The following IGDCC3 variants were observed in gnomAD, a reference collection of about 807,000 sequenced individuals.
IGDCC3 encodes immunoglobulin superfamily DCC subclass member 3.
Under a neutral mutation model 72.0 loss-of-function variants are expected in IGDCC3, and 47 were observed. That is an observed-to-expected ratio of 0.65 (90% CI 0.52 to 0.83). IGDCC3 has a LOEUF of 0.83. IGDCC3 is among the 40% of genes least tolerant of loss of function. IGDCC3 has a pLI of 0.00. For synonymous variants in IGDCC3, 477 were observed against 472.8 expected, an observed-to-expected ratio of 1.01 and a Z score of -0.11; for missense variants, 1,038 against 1,091.3, an observed-to-expected ratio of 0.95 and a Z score of 0.69.
At chr15:65,355,186 G>A (rs2091206469) in intron 2 of IGDCC3, among the ~76,000 whole-genome samples, 1 of 152,156 alleles carries the variant, frequency 6.6e-6, no homozygotes, top group Non-Finnish European at 1.5e-5. Flanking sequence ...GGCCCCCGCG[G>A]GGCCCCACTG....
chr15:65,360,779 CTTTT>C (rs1420324598), intron 2 of IGDCC3, among the ~76,000 whole-genome samples: 1 of 152,094 alleles, frequency 6.6e-6, no homozygotes, highest in East Asian at 1.9e-4. Context: ...CCCTTTCTTT[CTTTT>C]CTTTTTTTCT....
In IGDCC3 at chr15:65,334,864, G is replaced by A; in HGVS notation, c.687C>T (p.Gly229=). Reference sequence around the variant, plus strand: ...GCTCCTTGTAGGCCCCAGAGCCCGAGCCTGGGAGGAAGACGCCACATATCC... The same window carrying A: ...GCTCCTTGTAGGCCCCAGAGCCCGAACCTGGGAGGAAGACGCCACATATCC... ...ISHGARLTVS[G]SGSGAYKEPA... is the part of the protein sequence containing the mutation. Residue 229 remains glycine (G), a splice_region_variant and synonymous_variant, in exon 5 of 14, where the codon GGC becomes GGT. Transcript: ENST00000327987. 6 of 1,610,526 alleles carry A rather than the reference G, an allele frequency of 3.7e-6. No individual in the cohort carries two copies. Among genetic ancestry groups the A allele is most frequent in the South Asian group, 1.1e-5 (1 of 90,608 alleles).
At chr15:65,342,631 T>C (rs936945152) in intron 2 of IGDCC3, among the ~76,000 whole-genome samples, 1 of 151,982 alleles carries the variant, frequency 6.6e-6, no homozygotes. Context: ...TCTCTGGCCG[T>C]CCCTCCAGAG....
chr15:65,356,850 T>C (rs2091225895), intron 2 of IGDCC3, among the ~76,000 whole-genome samples: 1 of 122,840 alleles, frequency 8.1e-6, no homozygotes. Flanking sequence ...TGGACCTGCT[T>C]TTTTTTTTTT....
intron 2 of IGDCC3, among the ~76,000 whole-genome samples, chr15:65,348,717 C>A (rs1213095373): frequency 6.6e-6 from 1 of 152,144 alleles, no homozygotes; most frequent in African/African-American, 2.4e-5. Context: ...AGAGTCCCTT[C>A]TAAGATTTTA....
chr15:65,327,761 G>T lies in IGDCC3; in HGVS notation c.*1148C>A. On this transcript the variant is annotated 3_prime_UTR_variant, in exon 14 of 14. Coordinates refer to ENST00000327987, the MANE Select transcript of IGDCC3 (RefSeq NM_004884.4). The stretch of plus-strand genomic sequence containing the variant: ...TCGAGGGGTGGATCAGGCTGGCTGG[G>T]TGCCTGAGGCTGGGGCGCCTCTGCA... The T allele has an allele frequency of 6.5e-6, 1 of 152,726 alleles. No homozygotes were observed. The highest frequency in any genetic ancestry group is 1.5e-5 in the Non-Finnish European group (1 of 68,068). 9.5% of individuals were successfully genotyped at this position (152,726 alleles called of 1,614,324 possible). A position where few individuals can be genotyped will look rare whatever the true frequency, so the allele number is the denominator to read the frequency against.
At chr15:65,348,202 G>A (rs1262541450) in intron 2 of IGDCC3, among the ~76,000 whole-genome samples, 1 of 152,138 alleles carries the variant, frequency 6.6e-6, no homozygotes, top group Non-Finnish European at 1.5e-5. Context: ...CCATAAAAAT[G>A]AGCAACCACC....
chr15:65,351,826 T>C (rs2140156384), intron 2 of IGDCC3, among the ~76,000 whole-genome samples: 1 of 152,334 alleles, frequency 6.6e-6, no homozygotes, highest in Middle Eastern at 3.4e-3. Context: ...TTATAATTGT[T>C]ATGTAACATT....
At chr15:65,374,829 C>G (rs9920449) in intron 2 of IGDCC3, among the ~76,000 whole-genome samples, 20,273 of 152,178 alleles carry the variant, frequency 0.13, 1,512 homozygotes, top group African/African-American at 0.18. Context: ...CATGCTGACC[C>G]AAGAACTGGG....
intron 1 of IGDCC3, among the ~76,000 whole-genome samples, chr15:65,376,640 G>A (rs2091361060): frequency 6.7e-6 from 1 of 148,520 alleles, no homozygotes; most frequent in Admixed American, 6.8e-5. Context: ...CCAGGAAGAT[G>A]TAATGTTTTA....
intron 2 of IGDCC3, among the ~76,000 whole-genome samples, chr15:65,344,892 C>T (rs1486864793): frequency 2.6e-5 from 4 of 152,144 alleles, no homozygotes; most frequent in Admixed American, 2.6e-4. Flanking sequence ...GTGCCCTGCC[C>T]TGCATTTAGT....
chr15:65,356,848 C>CTTTTTTTGTTTTTTT (rs2091225250), intron 2 of IGDCC3, among the ~76,000 whole-genome samples: 1 of 70,898 alleles, frequency 1.4e-5, no homozygotes, highest in African/African-American at 6.7e-5. Context: ...AATGGACCTG[C>CTTTTTTTGTTTTTTT]TTTTTTTTTT....
At chr15:65,353,217 C>T (rs1484034206) in intron 2 of IGDCC3, among the ~76,000 whole-genome samples, 44 of 148,064 alleles carry the variant, frequency 3.0e-4, no homozygotes, top group African/African-American at 1.0e-3. Flanking sequence ...TCCTTCCTTC[C>T]TTCCTTCCCC....
Position 65,328,805 on chromosome 15 carries a change from G to A in IGDCC3, c.*104C>T, listed in dbSNP as rs2090946600. Reference sequence around the variant, plus strand: ...GAGGCAGTCAGGATAGAAATGCTGGGGAGCCCCCAGGACCATCCAAATCCC... The same window carrying A: ...GAGGCAGTCAGGATAGAAATGCTGGAGAGCCCCCAGGACCATCCAAATCCC... On this transcript the variant is annotated 3_prime_UTR_variant, in exon 14 of 14. Coordinates refer to ENST00000327987, the MANE Select transcript of IGDCC3 (RefSeq NM_004884.4). 5 of 1,358,038 alleles carry A rather than the reference G, an allele frequency of 3.7e-6. No homozygotes were observed. In the East Asian group the frequency reaches 1.4e-4, roughly 37 times the overall value. 84.1% of individuals were successfully genotyped at this position (1,358,038 alleles called of 1,614,324 possible).
At chr15:65,335,660 A>G in intron 3 of IGDCC3, 152 bp downstream of exon 3, 1 of 923,132 alleles carries the variant, frequency 1.1e-6, no homozygotes, top group Non-Finnish European at 1.7e-6. Context: ...TCATGTGGAT[A>G]CCCAGTCTAA....
rs1337554864 is a variant in IGDCC3 at position 65,377,653 on chromosome 15, C to A, written c.103+33G>T. The A allele has an allele frequency of 7.7e-6, 11 of 1,426,632 alleles. No homozygotes were observed. The African/African-American group carries it at 1.6e-4, about 21-fold the overall frequency. 88.4% of individuals were successfully genotyped at this position (1,426,632 alleles called of 1,614,324 possible). On this transcript the variant is annotated intron_variant, in intron 1 of 13. Transcript: ENST00000327987. The surrounding 1 kb of genome is among the most constrained non-coding windows in gnomAD (Gnocchi z 4.9). ...TGCTCGCCCTTCCCCTGGCTCCGTC[C>A]GCAACCGCCCGGTCCGGGGCGCTTT...
intron 6 of IGDCC3, 145 bp from the exon 7 acceptor site, chr15:65,332,251 G>C: frequency 1.0e-6 from 1 of 977,570 alleles, no homozygotes; most frequent in Non-Finnish European, 1.5e-6. Context: ...GACTCCTCCA[G>C]GTGGGGCCCA....
Position 65,328,774 on chromosome 15 carries a change from A to T in IGDCC3, c.*135T>A. The stretch of plus-strand genomic sequence containing the variant: ...GTCAAGGCTGCCTTGGGTTTTGACA[A>T]CCCAAGAGGCAGTCAGGATAGAAAT... On this transcript the variant is annotated 3_prime_UTR_variant, in exon 14 of 14. Transcript: ENST00000327987. 1.7e-6 allele frequency: 2 copies of T among 1,179,552 alleles called. No homozygotes were observed. Among genetic ancestry groups the T allele is most frequent in the South Asian group, 2.4e-5 (1 of 41,788 alleles). The allele number at this position is 1,179,552 out of a possible 1,614,324, so 73.1% of individuals were successfully genotyped here.
intron 2 of IGDCC3, among the ~76,000 whole-genome samples, chr15:65,369,184 GGGAAGAACCA>G (rs1173141619): frequency 6.6e-6 from 1 of 152,154 alleles, no homozygotes. Context: ...GATCAGGTAT[GGGAAGAACCA>G]GGCAGAAATA....
Sources: allele counts gnomAD v4.1 joint callset (sites outside exome capture counted in the v4.1 genomes callset), GRCh38; gene constraint gnomAD v4.1.1; non-coding constraint Gnocchi (gnomAD v3.1); transcripts MANE v1.5; gene names NCBI Gene and HGNC (gene_info 2026-07-23, HGNC 2026-07-21).